SLIT2: variants seen among roughly 807,000 people sequenced by gnomAD.
SLIT2 encodes the protein slit guidance ligand 2.
In SLIT2, 41 loss-of-function variants were observed where a neutral mutation model predicts 185.7. That is an observed-to-expected ratio of 0.22 (90% CI 0.17 to 0.29). The LOEUF (loss-of-function observed/expected upper bound fraction) is 0.29. Ranked by LOEUF, SLIT2 falls within the 10% of genes least tolerant of loss-of-function variation. SLIT2 has a pLI of 1.00. For missense variants in SLIT2, 1,571 were observed against 1,909.0 expected (o/e 0.82, Z 3.30); for synonymous variants, 693 against 680.2 (o/e 1.02, Z -0.29).
intron 4 of SLIT2, among the ~76,000 whole-genome samples, chr4:20,385,378 T>G (rs537560620): frequency 2.0e-5 from 3 of 152,264 alleles, no homozygotes; most frequent in Admixed American, 2.0e-4. Context: ...TGGTAGATGC[T>G]CAGTAAATAT....
At chr4:20,321,151 A>G (rs1719045248) in intron 4 of SLIT2, among the ~76,000 whole-genome samples, 1 of 152,150 alleles carries the variant, frequency 6.6e-6, no homozygotes, top group African/African-American at 2.4e-5. Context: ...AACAAAACAA[A>G]AAAAACTAAA....
At chr4:20,367,016 C>G (rs575388258) in intron 4 of SLIT2, among the ~76,000 whole-genome samples, 1 of 152,034 alleles carries the variant, frequency 6.6e-6, no homozygotes, top group South Asian at 2.1e-4. Context: ...CCAGGCTGCT[C>G]TCTAACTCCT....
chr4:20,498,555 A>G (rs770497449), intron 9 of SLIT2, among the ~76,000 whole-genome samples: 2 of 152,230 alleles, frequency 1.3e-5, no homozygotes. Context: ...CAATCTAGTT[A>G]TAGATTTCCT....
intron 9 of SLIT2, among the ~76,000 whole-genome samples, chr4:20,495,668 T>C (rs1718171178): frequency 6.6e-6 from 1 of 152,144 alleles, no homozygotes; most frequent in African/African-American, 2.4e-5. Flanking sequence ...CAGGTAAAGC[T>C]ACAATAAATT....
At position 20,369,889 on chromosome 4, in the gene SLIT2, C is replaced by T. The variant is rs116143448; in HGVS notation, c.396-97863C>T. Among the ~76,000 whole-genome samples the T allele has an allele frequency of 1.5e-3, 224 of 152,240 alleles. 1 individual carries two copies. The highest frequency in any genetic ancestry group is 5.2e-3 in the African/African-American group (217 of 41,564). On this transcript the variant is annotated intron_variant, in intron 4 of 36. Transcript: ENST00000504154. ...TAGAGACTCATGTATCATTTTCAAGCTACCTTTCTCCCTTGCAAATCCCCT... is the reference window on the plus strand; with the variant it reads ...TAGAGACTCATGTATCATTTTCAAGTTACCTTTCTCCCTTGCAAATCCCCT...
intron 4 of SLIT2, among the ~76,000 whole-genome samples, chr4:20,368,793 G>A (rs917074150): frequency 3.3e-5 from 5 of 152,226 alleles, no homozygotes; most frequent in African/African-American, 7.2e-5. Context: ...AGGAAGTATT[G>A]TATATCCTGA....
chr4:20,442,574 A>G (rs1052754497), intron 4 of SLIT2, among the ~76,000 whole-genome samples: 9 of 150,900 alleles, frequency 6.0e-5, no homozygotes, highest in African/African-American at 2.2e-4. Flanking sequence ...TATGAAGGTT[A>G]TGGAACAAGG....
intron 4 of SLIT2, among the ~76,000 whole-genome samples, chr4:20,368,650 T>G (rs564400924): frequency 6.6e-6 from 1 of 152,120 alleles, no homozygotes; most frequent in Non-Finnish European, 1.5e-5. Context: ...GTAATTCTTA[T>G]AATTTGGACT....
chr4:20,345,139 G>A (rs900240185), intron 4 of SLIT2, among the ~76,000 whole-genome samples: 12 of 152,120 alleles, frequency 7.9e-5, no homozygotes, highest in Non-Finnish European at 1.5e-4. Context: ...TTGATTTTAA[G>A]TTTGCATCCT....
At chr4:20,554,038 A>G in intron 26 of SLIT2, 70 bp downstream of exon 26, 3 of 1,268,206 alleles carry the variant, frequency 2.4e-6, no homozygotes, top group South Asian at 1.5e-5. Flanking sequence ...AAGACAACCA[A>G]TTGTCAATCC....
chr4:20,436,700 C>G (rs913330887), intron 4 of SLIT2, among the ~76,000 whole-genome samples: 14 of 152,166 alleles, frequency 9.2e-5, no homozygotes, highest in African/African-American at 3.1e-4. Context: ...GTAATTTCTT[C>G]ATGAGTAGTT....
In SLIT2 at chr4:20,576,983, T is replaced by G. The variant is rs148356046; in HGVS notation, c.3088+7979T>G. Among the ~76,000 whole-genome samples the G allele has an allele frequency of 7.3e-3, 1,105 of 152,158 alleles. 11 individuals carry two copies. Among genetic ancestry groups the G allele is most frequent in the African/African-American group, 0.025 (1,031 of 41,544 alleles). On this transcript the variant is annotated intron_variant, in intron 29 of 36. Transcript: ENST00000504154. ...TTGTTTATTTGGAGAGGTAAGTTTT[T>G]TTTTTTTCATTTAAAAATATACCAG...
At chr4:20,514,771 TATTAAC>T (rs1720054148) in intron 11 of SLIT2, among the ~76,000 whole-genome samples, 1 of 151,358 alleles carries the variant, frequency 6.6e-6, no homozygotes, top group Non-Finnish European at 1.5e-5. Flanking sequence ...TACTTTTTTT[TATTAAC>T]ATTATCATTT....
intron 29 of SLIT2, among the ~76,000 whole-genome samples, chr4:20,583,299 G>A (rs1187017980): frequency 6.6e-6 from 1 of 152,160 alleles, no homozygotes; most frequent in East Asian, 1.9e-4. Flanking sequence ...AATATATGGT[G>A]ATGTTAAAAA....
Position 20,567,312 on chromosome 4 carries a change from C to A in SLIT2, c.2776C>A (p.Pro926Thr). 1 of 1,612,576 alleles carries A rather than the reference C, an allele frequency of 6.2e-7. No individual in the cohort carries two copies. Among genetic ancestry groups the A allele is most frequent in the Non-Finnish European group, 8.5e-7 (1 of 1,178,896 alleles). ...TAAGTGTAACCCCTGCCTATCAAAT[C>A]CGTGTAAAAATGATGGCACATGTAA... ...LAKCNPCLSN[P>T]CKNDGTCNSD... The change falls in exon 27 of 37, where the codon CCG (proline) becomes ACG (threonine). Residue 926 changes from proline to threonine, a missense_variant. This residue lies in a region of SLIT2 where 1,202 missense variants were observed against 1,416.4 expected (regional missense o/e 0.85). Coordinates refer to ENST00000504154, the MANE Select transcript of SLIT2 (RefSeq NM_004787.4).
chr4:20,280,833 G>GTTTTTTTTTTTTTTTTT (rs34477780), intron 4 of SLIT2, among the ~76,000 whole-genome samples: 1 of 130,650 alleles, frequency 7.7e-6, no homozygotes, highest in African/African-American at 3.0e-5. Flanking sequence ...TTAAAAAAAT[G>GTTTTTTTTTTTTTTTTT]TTTTTTTTTT....
At chr4:20,583,762 T>A (rs1177224782) in intron 29 of SLIT2, among the ~76,000 whole-genome samples, 1 of 151,838 alleles carries the variant, frequency 6.6e-6, no homozygotes, top group African/African-American at 2.4e-5. Flanking sequence ...TGAGCCAAGA[T>A]CATGCCACTG....
At chr4:20,569,348 G>A (rs1486533297) in intron 29 of SLIT2, 3 of 231,974 alleles carry the variant, frequency 1.3e-5, no homozygotes, top group Non-Finnish European at 2.6e-5. Context: ...TGTGTAAAGA[G>A]GACATTTATT....
At chr4:20,430,943 A>C (rs1443024645) in intron 4 of SLIT2, among the ~76,000 whole-genome samples, 1 of 152,220 alleles carries the variant, frequency 6.6e-6, no homozygotes, top group Non-Finnish European at 1.5e-5. Context: ...CTGTATGCCA[A>C]GTAACTGTCC....
Sources: gnomAD v4.1 joint callset for allele counts (sites outside exome capture counted in the v4.1 genomes callset) on GRCh38, gnomAD v4.1.1 for gene constraint, gnomAD v4.1.1 regional missense constraint, MANE v1.5 for transcripts, NCBI Gene and HGNC (gene_info 2026-07-23, HGNC 2026-07-21) for gene names.